FOLH1: variants seen among roughly 807,000 people sequenced by gnomAD.
FOLH1 encodes glutamate carboxypeptidase 2.
In FOLH1, 54 loss-of-function variants were observed where a neutral mutation model predicts 93.9. The ratio of observed to expected loss-of-function variants is 0.57; its 90% confidence interval spans 0.46 to 0.72. The LOEUF (loss-of-function observed/expected upper bound fraction) is 0.72. Among genes scored for constraint, FOLH1 ranks in the 30% least tolerant of loss-of-function variants. FOLH1 has a pLI of 0.00. For missense variants in FOLH1, 571 were observed against 892.5 expected, an observed-to-expected ratio of 0.64 and a Z score of 4.59; for synonymous variants, 249 against 303.6, an observed-to-expected ratio of 0.82 and a Z score of 1.87.
chr11:49,149,125 G>A (rs1164708089), intron 17 of FOLH1, among the ~76,000 whole-genome samples: 1 of 152,012 alleles, frequency 6.6e-6, no homozygotes, highest in African/African-American at 2.4e-5. Flanking sequence ...GTGGGGTGAG[G>A]GGGGAAGGAT....
Position 49,208,285 on chromosome 11 carries a change from C to T in FOLH1, c.118+7G>A, listed in dbSNP as rs117326158. ...TCCGAGGTTTGCTCCGCGAGGCGCC[C>T]CCCTACCGAAGAGGAAGCCGAGGAG... On this transcript the variant is annotated splice_region_variant and intron_variant, in intron 1 of 18. Transcript: ENST00000256999. The T allele has an allele frequency of 0.011, 16,457 of 1,541,594 alleles. 116 individuals carry two copies. Among genetic ancestry groups the T allele is most frequent in the Non-Finnish European group, 0.013 (14,921 of 1,137,690 alleles).
At chr11:49,165,118 TGA>T (rs1858219120) in intron 12 of FOLH1, among the ~76,000 whole-genome samples, 1 of 152,212 alleles carries the variant, frequency 6.6e-6, no homozygotes, top group Admixed American at 6.5e-5. Context: ...CATGTTTTTC[TGA>T]GAGATTTCCC....
chr11:49,173,216 A>T, intron 10 of FOLH1, 141 bp downstream of exon 10: 1 of 829,908 alleles, frequency 1.2e-6, no homozygotes, highest in African/African-American at 1.7e-5. Flanking sequence ...CAATATAATT[A>T]ACCAACCAAC....
chr11:49,184,605 AT>A (rs992763163), intron 6 of FOLH1, among the ~76,000 whole-genome samples: 36 of 152,318 alleles, frequency 2.4e-4, no homozygotes, highest in African/African-American at 7.9e-4. Flanking sequence ...AAAGAAAAAA[AT>A]CTCTGACAAT....
At chr11:49,153,787 T>C in intron 17 of FOLH1, 59 bp downstream of exon 17, 1 of 1,130,060 alleles carries the variant, frequency 8.8e-7, no homozygotes. Flanking sequence ...GTTAGTTTAC[T>C]TTTAAATATA....
chr11:49,177,148 T>C (rs1322323196), intron 7 of FOLH1, among the ~76,000 whole-genome samples: 1 of 152,250 alleles, frequency 6.6e-6, no homozygotes. Context: ...GATCACTTTC[T>C]CGTGGAAAAT....
chr11:49,156,955 A>T, intron 14 of FOLH1, 148 bp from the exon 15 acceptor site: 1 of 1,378,808 alleles, frequency 7.3e-7, no homozygotes, highest in Non-Finnish European at 9.7e-7. Context: ...CATGAAAAGA[A>T]TATTAATTTT....
intron 7 of FOLH1, among the ~76,000 whole-genome samples, chr11:49,177,667 G>C (rs2135128742): frequency 6.6e-6 from 1 of 152,048 alleles, no homozygotes; most frequent in South Asian, 2.1e-4. Flanking sequence ...GCTACCTGGA[G>C]CCGGGCGCGG....
chr11:49,203,609 A>G lies in FOLH1; in HGVS notation c.224+2458T>C, dbSNP rs185400280. 2.0e-5 allele frequency among the ~76,000 whole-genome samples: 3 copies of G among 152,230 alleles called. No individual in the cohort carries two copies. In the East Asian group the frequency reaches 5.8e-4, roughly 29 times the overall value. On this transcript the variant is annotated intron_variant, in intron 2 of 18. Transcript: ENST00000256999. ...GGAGGAATGAGAGGGAATTCTTTCA[A>G]TTTCTTTCTTTTGTGTGTTTATGCT... is the stretch of plus-strand genomic sequence containing the variant.
intron 8 of FOLH1, 71 bp from the exon 9 acceptor site, chr11:49,175,048 G>A (rs1859841963): frequency 7.2e-7 from 1 of 1,397,578 alleles, no homozygotes; most frequent in African/African-American, 1.5e-5. Context: ...AGGTTTAAGG[G>A]AATTTTCCCC....
intron 15 of FOLH1, chr11:49,155,633 A>G (rs1800499313): frequency 5.8e-6 from 1 of 171,910 alleles, no homozygotes; most frequent in Non-Finnish European, 1.2e-5. Flanking sequence ...GATGTATCAT[A>G]AAAGTTGACA....
intron 11 of FOLH1, among the ~76,000 whole-genome samples, chr11:49,169,884 C>G (rs1355083536): frequency 1.3e-5 from 2 of 152,000 alleles, no homozygotes; most frequent in African/African-American, 4.8e-5. Flanking sequence ...CCTAAGCATT[C>G]TGACTATAAG....
chr11:49,173,764 T>G (rs1346420204), intron 9 of FOLH1, among the ~76,000 whole-genome samples: 3 of 35,730 alleles, frequency 8.4e-5, no homozygotes, highest in African/African-American at 2.0e-4. Flanking sequence ...TTCACATTTT[T>G]TGTAACTCTA....
chr11:49,197,458 G>T (rs910661056), intron 3 of FOLH1, among the ~76,000 whole-genome samples: 1 of 152,068 alleles, frequency 6.6e-6, no homozygotes, highest in Non-Finnish European at 1.5e-5. Context: ...TATAATTTCT[G>T]TTTACATTTT....
At position 49,146,793 on chromosome 11, in the gene FOLH1, A is replaced by G; in HGVS notation, c.2216T>C (p.Val739Ala). Reference protein sequence around the residue: ...KRQIYVAAFTVQAAAETLSEV... With the variant: ...KRQIYVAAFTAQAAAETLSEV... ...ACTCAAAGTCTCTGCAGCTGCCTGCACTGTGAAGGCTGCAACATAAATCTG... is the reference window on the plus strand; with the variant it reads ...ACTCAAAGTCTCTGCAGCTGCCTGCGCTGTGAAGGCTGCAACATAAATCTG... The change falls in exon 19 of 19, where the codon GTG becomes GCG. Residue 739 changes from valine to alanine, a missense_variant. Physicochemically the swap from Val to Ala is moderately conservative, Grantham distance 64. Around this residue, in one of 2 missense-constraint regions of FOLH1, gnomAD observed 500 missense variants for 822.9 expected, o/e 0.61. Transcript: ENST00000256999. The G allele has an allele frequency of 6.2e-7, 1 of 1,613,358 alleles. No homozygotes were observed. The highest frequency in any genetic ancestry group is 8.5e-7 in the Non-Finnish European group (1 of 1,179,560).
intron 2 of FOLH1, among the ~76,000 whole-genome samples, chr11:49,205,500 T>G (rs995096242): frequency 6.6e-6 from 1 of 152,114 alleles, no homozygotes; most frequent in African/African-American, 2.4e-5. Flanking sequence ...TCCAAAGTAT[T>G]AATAGGCAAA....
chr11:49,172,676 C>T (rs1303339143), intron 10 of FOLH1, among the ~76,000 whole-genome samples: 5 of 152,100 alleles, frequency 3.3e-5, no homozygotes, highest in South Asian at 2.1e-4. Flanking sequence ...TTACATTTTA[C>T]AGCCCCAGAC....
intron 17 of FOLH1, 120 bp downstream of exon 17, chr11:49,153,725 TA>T (rs1202078745): frequency 5.5e-5 from 37 of 678,532 alleles, no homozygotes; most frequent in South Asian, 9.3e-5. Context: ...AAAACAAATT[TA>T]AAAAAAAGAA....
At chr11:49,166,606 T>C (rs572663148) in intron 12 of FOLH1, among the ~76,000 whole-genome samples, 1 of 152,330 alleles carries the variant, frequency 6.6e-6, no homozygotes, top group South Asian at 2.1e-4. Flanking sequence ...AGGACTAAGT[T>C]TGAGAGTAGT....
Sources: allele counts gnomAD v4.1 joint callset (sites outside exome capture counted in the v4.1 genomes callset), GRCh38; gene constraint gnomAD v4.1.1; regional missense constraint gnomAD v4.1.1; transcripts MANE v1.5; gene names NCBI Gene and HGNC (gene_info 2026-07-23, HGNC 2026-07-21).